Variants in CATSPERT observed in about 807,000 individuals in gnomAD.
CATSPERT encodes the protein cation channel sperm-associated targeting subunit tau.
the CATSPERT span, among the ~76,000 whole-genome samples, chr2:201,530,237 A>G: frequency 6.6e-5 from 10 of 152,206 alleles, no homozygotes; most frequent in African/African-American, 2.4e-4. Flanking sequence ...ATGGTCCAGC[A>G]ATCCTACTTC....
chr2:201,548,820 T>A, the CATSPERT span, among the ~76,000 whole-genome samples: 1 of 152,130 alleles, frequency 6.6e-6, no homozygotes, highest in Non-Finnish European at 1.5e-5. Context: ...AAAAATCCAG[T>A]AGTGTGCAGA....
chr2:201,494,251 C>T, the CATSPERT span: 1 of 1,536,894 alleles, frequency 6.5e-7, no homozygotes, highest in Non-Finnish European at 8.7e-7. Flanking sequence ...ACTGTTCATA[C>T]TAACTTCTGG....
the CATSPERT span, among the ~76,000 whole-genome samples, chr2:201,576,676 G>A: frequency 6.6e-6 from 1 of 152,206 alleles, no homozygotes; most frequent in Non-Finnish European, 1.5e-5. Flanking sequence ...CCCACGGCAC[G>A]CGGAGTGAAC....
the CATSPERT span, among the ~76,000 whole-genome samples, chr2:201,604,040 C>T: frequency 3.9e-5 from 6 of 152,064 alleles, no homozygotes; most frequent in South Asian, 1.2e-3. Flanking sequence ...GTTCTATATG[C>T]ATGTAGATTC....
chr2:201,592,059 G>T, the CATSPERT span, among the ~76,000 whole-genome samples: 1 of 151,974 alleles, frequency 6.6e-6, no homozygotes, highest in African/African-American at 2.4e-5. Context: ...ACCCTGTCTT[G>T]TGCCAGTTTT....
the CATSPERT span, among the ~76,000 whole-genome samples, chr2:201,523,549 G>C: frequency 6.6e-6 from 1 of 152,184 alleles, no homozygotes; most frequent in Non-Finnish European, 1.5e-5. Flanking sequence ...AGATGAGAAT[G>C]AACCAGTGAA....
the CATSPERT span, chr2:201,534,851 G>A: frequency 1.3e-6 from 1 of 765,280 alleles, no homozygotes; most frequent in Admixed American, 6.3e-5. Context: ...TAATATTTGA[G>A]GATATTCTAC....
chr2:201,538,188 C>CT, the CATSPERT span, among the ~76,000 whole-genome samples: 3 of 152,012 alleles, frequency 2.0e-5, no homozygotes, highest in Non-Finnish European at 4.4e-5. Context: ...CTATTTGCCC[C>CT]TCCCCCTAGC....
At chr2:201,492,474 CCTT>C in the CATSPERT span, 1 of 1,534,224 alleles carries the variant, frequency 6.5e-7, no homozygotes. Flanking sequence ...TTATTTCAAA[CCTT>C]CTACCAAAAC....
the CATSPERT span, among the ~76,000 whole-genome samples, chr2:201,530,023 T>C: frequency 6.6e-6 from 1 of 152,146 alleles, no homozygotes; most frequent in Non-Finnish European, 1.5e-5. Context: ...TCTCTGATCA[T>C]CAGAGAAATG....
chr2:201,524,829 CA>C, the CATSPERT span, among the ~76,000 whole-genome samples: 1 of 152,072 alleles, frequency 6.6e-6, no homozygotes, highest in Non-Finnish European at 1.5e-5. Flanking sequence ...TTATTTCAGA[CA>C]AAACAGACTT....
chr2:201,572,055 A>G, the CATSPERT span: 3 of 1,511,282 alleles, frequency 2.0e-6, no homozygotes, highest in South Asian at 1.1e-5. Context: ...AGCACTGTTT[A>G]GTTTCAATTA....
chr2:201,595,862 G>A, the CATSPERT span, among the ~76,000 whole-genome samples: 1 of 148,416 alleles, frequency 6.7e-6, no homozygotes, highest in Non-Finnish European at 1.5e-5. Context: ...AAACCACAAT[G>A]AGATACCATC....
chr2:201,588,218 G>C, the CATSPERT span, among the ~76,000 whole-genome samples: 30 of 152,184 alleles, frequency 2.0e-4, no homozygotes, highest in African/African-American at 7.0e-4. Flanking sequence ...CAATATCCTT[G>C]ATGAACATTG....
chr2:201,516,172 T>C, the CATSPERT span, among the ~76,000 whole-genome samples: 1 of 152,232 alleles, frequency 6.6e-6, no homozygotes, highest in Non-Finnish European at 1.5e-5. Flanking sequence ...ATGGTAAATA[T>C]TTGTGTATCT....
the CATSPERT span, among the ~76,000 whole-genome samples, chr2:201,578,098 T>G: frequency 6.6e-6 from 1 of 152,276 alleles, no homozygotes; most frequent in African/African-American, 2.4e-5. Context: ...ACTAGCTAAG[T>G]GTATTAATAT....
the CATSPERT span, among the ~76,000 whole-genome samples, chr2:201,540,947 AT>A: frequency 6.6e-6 from 1 of 152,226 alleles, no homozygotes; most frequent in Admixed American, 6.5e-5. Context: ...AAATACCAAC[AT>A]TAACAGGAAT....
the CATSPERT span, among the ~76,000 whole-genome samples, chr2:201,569,345 T>G: frequency 3.9e-5 from 6 of 152,254 alleles, no homozygotes; most frequent in African/African-American, 1.4e-4. Flanking sequence ...AGGTTAGAAT[T>G]TAGTAGGCTT....
At chr2:201,530,961 G>GTTTTTTTTTTTTTTTTTTTT in the CATSPERT span, among the ~76,000 whole-genome samples, 1 of 106,042 alleles carries the variant, frequency 9.4e-6, no homozygotes, top group Non-Finnish European at 1.9e-5. Context: ...TTTTTTGTGG[G>GTTTTTTTTTTTTTTTTTTTT]TTTTTTTTTT....
Sources: gnomAD v4.1 joint callset for allele counts (sites outside exome capture counted in the v4.1 genomes callset) on GRCh38, gnomAD v4.1.1 for gene constraint, MANE v1.5 for transcripts, NCBI Gene and HGNC (gene_info 2026-07-23, HGNC 2026-07-21) for gene names.